The following RASAL2 variants were observed in gnomAD, a reference collection of about 807,000 sequenced individuals.
The protein encoded by RASAL2 is RAS protein activator like 2.
In RASAL2, 58 loss-of-function variants were observed where a neutral mutation model predicts 128.9. The ratio of observed to expected loss-of-function variants is 0.45; its 90% CI spans 0.36 to 0.56. The LOEUF (loss-of-function observed/expected upper bound fraction) is 0.56, where lower values mean the gene tolerates loss of function less well. Ranked by LOEUF, RASAL2 falls within the 20% of genes least tolerant of loss-of-function variation. The pLI is 0.00. For missense variants in RASAL2, 1,360 were observed against 1,601.6 expected, an observed-to-expected ratio of 0.85 and a Z score of 2.57; for synonymous variants, 561 against 580.8, an observed-to-expected ratio of 0.97 and a Z score of 0.49.
intron 1 of RASAL2, among the ~76,000 whole-genome samples, chr1:178,146,395 T>G (rs1660732017): frequency 6.6e-6 from 1 of 152,258 alleles, no homozygotes; most frequent in Non-Finnish European, 1.5e-5. Context: ...TGCTTAACAC[T>G]TATAGTCAGA....
intron 1 of RASAL2, among the ~76,000 whole-genome samples, chr1:178,106,047 C>T (rs1659075623): frequency 6.6e-6 from 1 of 152,174 alleles, no homozygotes; most frequent in African/African-American, 2.4e-5. Flanking sequence ...TTCATGGAAA[C>T]ATGAAATCGC....
chr1:178,299,260 A>G (rs1011161046), intron 2 of RASAL2, among the ~76,000 whole-genome samples: 1 of 152,198 alleles, frequency 6.6e-6, no homozygotes, highest in African/African-American at 2.4e-5. Flanking sequence ...ACTACCTTTA[A>G]TGAAATATTT....
chr1:178,286,101 C>T (rs1667013195), intron 2 of RASAL2, among the ~76,000 whole-genome samples: 1 of 152,180 alleles, frequency 6.6e-6, no homozygotes, highest in South Asian at 2.1e-4. Flanking sequence ...ATTCTCTTTT[C>T]TGACACTGTC....
intron 1 of RASAL2, among the ~76,000 whole-genome samples, chr1:178,148,552 G>A (rs1400375739): frequency 6.6e-6 from 1 of 151,926 alleles, no homozygotes; most frequent in Non-Finnish European, 1.5e-5. Flanking sequence ...GGGCTCAGGT[G>A]ATCCTCCTGC....
chr1:178,282,766 A>G (rs996217649), intron 1 of RASAL2, among the ~76,000 whole-genome samples: 1 of 152,162 alleles, frequency 6.6e-6, no homozygotes, highest in Non-Finnish European at 1.5e-5. Context: ...CTTTTAATAT[A>G]TATCGAACTG....
At chr1:178,402,163 C>G (rs1673668415) in intron 4 of RASAL2, among the ~76,000 whole-genome samples, 1 of 152,132 alleles carries the variant, frequency 6.6e-6, no homozygotes, top group Non-Finnish European at 1.5e-5. Context: ...CGCCTGTAAT[C>G]CCAGCACTTT....
chr1:178,251,974 T>C (rs1478231186), intron 1 of RASAL2, among the ~76,000 whole-genome samples: 3 of 152,180 alleles, frequency 2.0e-5, no homozygotes, highest in African/African-American at 4.8e-5. Flanking sequence ...AGAAAAGATA[T>C]ACACATAAAG....
At position 178,406,418 on chromosome 1, in the gene RASAL2, G is replaced by A. The variant is rs567393210; in HGVS notation, c.565-14093G>A. ...TTAGTGGTTTCCAGGGGCTGAGGGT[G>A]AGAGGAAGGGATTGACTGACTACAG... On this transcript the variant is annotated intron_variant, in intron 4 of 17. Coordinates refer to ENST00000367649, the MANE Select transcript of RASAL2 (RefSeq NM_170692.4). Among the ~76,000 whole-genome samples the A allele has an allele frequency of 4.6e-5, 7 of 152,330 alleles. No homozygotes were observed. In the South Asian group the frequency reaches 1.5e-3, roughly 32 times the overall value.
At chr1:178,152,066 C>T (rs1205280564) in intron 1 of RASAL2, among the ~76,000 whole-genome samples, 2 of 152,106 alleles carry the variant, frequency 1.3e-5, no homozygotes, top group Non-Finnish European at 2.9e-5. Flanking sequence ...GGTGAGGTGA[C>T]TTAGAGTGGA....
At chr1:178,283,755 G>A in intron 2 of RASAL2, 64 bp downstream of exon 2, 2 of 1,581,926 alleles carry the variant, frequency 1.3e-6, no homozygotes, top group Non-Finnish European at 1.7e-6. Flanking sequence ...AAATTACCTA[G>A]TTTTTGTTTG....
At chr1:178,412,887 A>G (rs1170588240) in intron 4 of RASAL2, among the ~76,000 whole-genome samples, 2 of 152,032 alleles carry the variant, frequency 1.3e-5, no homozygotes, top group Non-Finnish European at 2.9e-5. Flanking sequence ...ATCTGAGAAA[A>G]TTCCCCTCAT....
intron 4 of RASAL2, among the ~76,000 whole-genome samples, chr1:178,416,700 A>G (rs1348298990): frequency 1.3e-5 from 2 of 151,866 alleles, no homozygotes; most frequent in East Asian, 3.9e-4. Flanking sequence ...GCTTTATTTC[A>G]CCTTCACTTT....
rs992906081 is a variant in RASAL2, at chr1:178,476,546, A to G, written c.*3307A>G. ...GGTAAAATGAGGTAATCATGCTGCTATAGCTTTTTGCTTTTTTTCATATAG... is the reference window on the plus strand; with the variant it reads ...GGTAAAATGAGGTAATCATGCTGCTGTAGCTTTTTGCTTTTTTTCATATAG... On this transcript the variant is annotated 3_prime_UTR_variant, in exon 18 of 18. Coordinates refer to ENST00000367649, the MANE Select transcript of RASAL2 (RefSeq NM_170692.4). 4.6e-5 allele frequency: 7 copies of G among 152,354 alleles called. No homozygotes were observed. In the South Asian group the frequency reaches 8.3e-4, roughly 18 times the overall value. 9.4% of individuals were successfully genotyped at this position (152,354 alleles called of 1,614,324 possible).
chr1:178,451,739 T>G (rs768198758), intron 10 of RASAL2, 24 bp downstream of exon 10: 1 of 1,602,532 alleles, frequency 6.2e-7, no homozygotes, highest in Non-Finnish European at 8.5e-7. Flanking sequence ...ATCCTCTGCC[T>G]TACATTTTTT....
At chr1:178,100,335 G>A (rs1387847391) in intron 1 of RASAL2, among the ~76,000 whole-genome samples, 3 of 147,944 alleles carry the variant, frequency 2.0e-5, no homozygotes, top group Non-Finnish European at 4.5e-5. Flanking sequence ...GGCCAACATG[G>A]TGAAACCTTG....
chr1:178,345,463 C>T (rs187865996), intron 3 of RASAL2, among the ~76,000 whole-genome samples: 2 of 152,180 alleles, frequency 1.3e-5, no homozygotes, highest in East Asian at 1.9e-4. Context: ...CCAAAGATTA[C>T]GGAGTACCTT....
At chr1:178,163,703 T>C (rs1385330724) in intron 1 of RASAL2, among the ~76,000 whole-genome samples, 3 of 152,190 alleles carry the variant, frequency 2.0e-5, no homozygotes, top group Non-Finnish European at 4.4e-5. Context: ...AGTTTTGAGA[T>C]TGGGAAAATG....
intron 1 of RASAL2, among the ~76,000 whole-genome samples, chr1:178,192,127 T>A (rs1483157743): frequency 1.3e-5 from 2 of 152,060 alleles, no homozygotes; most frequent in Admixed American, 6.6e-5. Flanking sequence ...TTTTTAACAG[T>A]GAGGGGGTCG....
At chr1:178,430,907 T>TACACACACACACAC (rs71297897) in intron 5 of RASAL2, among the ~76,000 whole-genome samples, 24 of 134,062 alleles carry the variant, frequency 1.8e-4, no homozygotes, top group African/African-American at 6.1e-4. Context: ...GGCAAAAAAG[T>TACACACACACACAC]ACACACACAC....
Sources: allele counts gnomAD v4.1 joint callset (sites outside exome capture counted in the v4.1 genomes callset), GRCh38; gene constraint gnomAD v4.1.1; transcripts MANE v1.5; gene names NCBI Gene and HGNC (gene_info 2026-07-23, HGNC 2026-07-21).